Variants in RTN4IP1 observed in about 807,000 individuals in gnomAD.
RTN4IP1 encodes reticulon 4 interacting protein 1.
In RTN4IP1, 32 loss-of-function variants were observed where a neutral mutation model predicts 46.6. The observed-to-expected ratio is 0.69, with a 90% confidence interval of 0.52 to 0.92. RTN4IP1 has a LOEUF of 0.92. RTN4IP1 is among the 40% of genes least tolerant of loss of function. RTN4IP1 has a pLI of 0.00. For missense variants in RTN4IP1, 424 were observed against 485.8 expected, an observed-to-expected ratio of 0.87 and a Z score of 1.20; for synonymous variants, 167 against 161.8, an observed-to-expected ratio of 1.03 and a Z score of -0.24.
At chr6:106,629,946 C>G (rs371221253), upstream of RTN4IP1, among the ~76,000 whole-genome samples, 4 of 152,044 alleles carry the variant, frequency 2.6e-5, no homozygotes. Flanking sequence ...CGGCTTCTCA[C>G]CATTAGACAT....
Position 106,612,016 on chromosome 6 carries a change from C to T in RTN4IP1, c.620+7186G>A, listed in dbSNP as rs72945056. On this transcript the variant is annotated intron_variant, in intron 4 of 8. Transcript: ENST00000369063. ...CCAGGGGTACTGGGAATGTATCCCC[C>T]CAAATGGGATAGGCAGTGGGAACCA... Among the ~76,000 whole-genome samples, 4 of 152,158 alleles carry T rather than the reference C, an allele frequency of 2.6e-5. No individual in the cohort carries two copies. The East Asian group carries it at 5.8e-4, about 22-fold the overall frequency.
chr6:106,583,605 A>C, intron 7 of RTN4IP1, 185 bp from the exon 8 acceptor site: 1 of 526,894 alleles, frequency 1.9e-6, no homozygotes, highest in East Asian at 3.3e-5. Flanking sequence ...TAAATGTTTA[A>C]TAAATAAATA....
chr6:106,590,619 G>C (rs1775632378), intron 6 of RTN4IP1, among the ~76,000 whole-genome samples: 1 of 144,894 alleles, frequency 6.9e-6, no homozygotes, highest in South Asian at 2.2e-4. Flanking sequence ...GGGGGCTGAG[G>C]CAGGAAAATC....
intron 5 of RTN4IP1, among the ~76,000 whole-genome samples, chr6:106,598,557 T>C (rs1775861954): frequency 6.6e-6 from 1 of 151,680 alleles, no homozygotes; most frequent in Non-Finnish European, 1.5e-5. Context: ...GTTTTTTCCT[T>C]GTAAATTTGT....
At chr6:106,629,831 G>C (rs528180195), upstream of RTN4IP1, 4 of 1,165,320 alleles carry the variant, frequency 3.4e-6, no homozygotes, top group African/African-American at 4.6e-5. Context: ...GAACTGAGTG[G>C]GGGATAAGTA....
intron 4 of RTN4IP1, among the ~76,000 whole-genome samples, chr6:106,611,745 TG>T (rs2114667751): frequency 6.6e-6 from 1 of 152,348 alleles, no homozygotes; most frequent in African/African-American, 2.4e-5. Context: ...CCTAGATTTA[TG>T]TGTCCTCTTC....
intron 4 of RTN4IP1, among the ~76,000 whole-genome samples, chr6:106,610,342 G>A (rs74425787): frequency 0.073 from 11,068 of 152,204 alleles, 595 homozygotes; most frequent in East Asian, 0.2. Context: ...GGGATTACAG[G>A]TGTGAGCCAC....
At chr6:106,623,728 A>G (rs1776555769) in intron 1 of RTN4IP1, among the ~76,000 whole-genome samples, 1 of 152,200 alleles carries the variant, frequency 6.6e-6, no homozygotes, top group African/African-American at 2.4e-5. Flanking sequence ...TCTTTTATAC[A>G]GTTTTGCTTT....
At position 106,616,494 on chromosome 6, in the gene RTN4IP1, G is replaced by GA. The variant is rs1452807895; in HGVS notation, c.620+2707dup. Reference sequence around the variant, plus strand: ...TTGTTTTTTTTTAATTAACTGATTAGAAAAAAAAGATGATTCATCTTTGAT... The same window carrying GA: ...TTGTTTTTTTTTAATTAACTGATTAGAAAAAAAAAGATGATTCATCTTTGAT... On this transcript the variant is annotated intron_variant, in intron 4 of 8. Coordinates refer to ENST00000369063, the MANE Select transcript of RTN4IP1 (RefSeq NM_032730.5). Among the ~76,000 whole-genome samples the GA allele has an allele frequency of 3.3e-5, 5 of 151,514 alleles. No individual in the cohort carries two copies. The East Asian group carries it at 7.8e-4, about 23-fold the overall frequency.
chr6:106,629,800 C>G (rs1345779413), upstream of RTN4IP1: 8 of 1,463,404 alleles, frequency 5.5e-6, no homozygotes, highest in Non-Finnish European at 7.5e-6. Context: ...CGCATCTTGG[C>G]CCACCTCGCT....
At chr6:106,600,860 T>A (rs1775929454) in intron 5 of RTN4IP1, among the ~76,000 whole-genome samples, 1 of 152,162 alleles carries the variant, frequency 6.6e-6, no homozygotes, top group Non-Finnish European at 1.5e-5. Context: ...TTTCCACTTT[T>A]TTTCACTATT....
At chr6:106,602,808 G>T in intron 5 of RTN4IP1, 66 bp downstream of exon 5, 1 of 1,089,964 alleles carries the variant, frequency 9.2e-7, no homozygotes, top group Non-Finnish European at 1.3e-6. Context: ...GAGAAATAAT[G>T]TATCTTAATT....
At chr6:106,578,073 T>C in intron 8 of RTN4IP1, among the ~76,000 whole-genome samples, 1 of 152,312 alleles carries the variant, frequency 6.6e-6, no homozygotes, top group East Asian at 1.9e-4. Context: ...AGTTACACAG[T>C]CCTTCTTAGC....
At chr6:106,627,304 T>C (rs116896077) in intron 1 of RTN4IP1, among the ~76,000 whole-genome samples, 1 of 152,292 alleles carries the variant, frequency 6.6e-6, no homozygotes, top group African/African-American at 2.4e-5. Context: ...TAAATGAAAA[T>C]GTACACGGCA....
chr6:106,602,943 C>T (rs1775982691), intron 4 of RTN4IP1, 21 bp from the exon 5 acceptor site: 2 of 1,586,258 alleles, frequency 1.3e-6, no homozygotes, highest in Non-Finnish European at 1.7e-6. Context: ...AAGGAAACCA[C>T]AATTAACGAG....
chr6:106,619,670 G>A (rs1333216867), intron 3 of RTN4IP1, among the ~76,000 whole-genome samples: 2 of 141,944 alleles, frequency 1.4e-5, no homozygotes, highest in African/African-American at 5.3e-5. Context: ...GGACTGCAGT[G>A]GCGTGATCTC....
chr6:106,590,714 C>CAAAAAA (rs35293436), intron 6 of RTN4IP1, among the ~76,000 whole-genome samples: 5,054 of 68,060 alleles, frequency 0.074, 463 homozygotes, highest in African/African-American at 0.097. Context: ...GAATCCATCT[C>CAAAAAA]AAAAAAAAAA....
chr6:106,594,704 G>A (rs1775741229), intron 5 of RTN4IP1, among the ~76,000 whole-genome samples: 2 of 152,044 alleles, frequency 1.3e-5, no homozygotes, highest in South Asian at 4.1e-4. Flanking sequence ...ATTTCAAAAA[G>A]TTTATCACCC....
intron 4 of RTN4IP1, among the ~76,000 whole-genome samples, chr6:106,605,139 C>A (rs1428800633): frequency 6.6e-6 from 1 of 152,298 alleles, no homozygotes; most frequent in African/African-American, 2.4e-5. Context: ...CTATGTCCAA[C>A]AAAAGTGCCC....
Sources: allele counts gnomAD v4.1 joint callset (sites outside exome capture counted in the v4.1 genomes callset), GRCh38; gene constraint gnomAD v4.1.1; transcripts MANE v1.5; gene names NCBI Gene and HGNC (gene_info 2026-07-23, HGNC 2026-07-21).